SMAD3: variants seen among roughly 807,000 people sequenced by gnomAD.
The protein encoded by SMAD3 is MAD homolog 3.
Under a neutral mutation model 51.8 loss-of-function variants are expected in SMAD3, and 12 were observed. That is an observed-to-expected ratio of 0.23 (90% CI 0.15 to 0.38). The LOEUF (loss-of-function observed/expected upper bound fraction) is 0.38, where lower values mean the gene tolerates loss of function less well. Among genes scored for constraint, SMAD3 ranks in the 10% least tolerant of loss-of-function variants. The probability of loss-of-function intolerance (pLI) is 1.00; values close to 1 mark genes in which losing one functional copy is unlikely to be tolerated. For missense variants in SMAD3, 294 were observed against 565.6 expected, an observed-to-expected ratio of 0.52 and a Z score of 4.87; for synonymous variants, 238 against 227.7, an observed-to-expected ratio of 1.05 and a Z score of -0.41.
intron 7 of SMAD3, 110 bp from the exon 8 acceptor site, chr15:67,187,255 G>A: frequency 2.4e-6 from 3 of 1,253,842 alleles, no homozygotes; most frequent in Non-Finnish European, 3.5e-6. Context: ...TGTCCCTGGA[G>A]CTGTATAAAT....
intron 1 of SMAD3, among the ~76,000 whole-genome samples, chr15:67,115,062 C>T (rs1961105007): frequency 6.6e-6 from 1 of 152,140 alleles, no homozygotes; most frequent in Non-Finnish European, 1.5e-5. Context: ...TAGGGTCACC[C>T]TGTTGGTTGG....
Position 67,164,898 on chromosome 15 carries a change from C to G in SMAD3, c.210C>G (p.Ser70=). The G allele has an allele frequency of 6.2e-7, 1 of 1,612,928 alleles. No individual in the cohort carries two copies. The highest frequency in any genetic ancestry group is 8.5e-7 in the Non-Finnish European group (1 of 1,180,036). ...VNTKCITIPR[S]LDGRLQVSHR... is the part of the protein sequence containing the mutation. ...CTGCCCCTCCCCGTCCTGGCAGGTC[C>G]CTGGATGGCCGGTTGCAGGTGTCCC... is the stretch of plus-strand genomic sequence containing the variant. The change falls in exon 2 of 9, where the codon TCC becomes TCG. Residue 70 remains serine, a synonymous_variant. Transcript: ENST00000327367.
intron 5 of SMAD3, among the ~76,000 whole-genome samples, chr15:67,172,121 A>G (rs1962769319): frequency 6.6e-6 from 1 of 152,162 alleles, no homozygotes; most frequent in Non-Finnish European, 1.5e-5. Context: ...ACTTCCCTCT[A>G]GATTGTGTAG....
At chr15:67,170,779 A>C in intron 5 of SMAD3, 175 bp downstream of exon 5, 1 of 601,548 alleles carries the variant, frequency 1.7e-6, no homozygotes, top group Non-Finnish European at 3.0e-6. Context: ...GGAATGGGGA[A>C]ACTTGAGAAC....
At chr15:67,124,144 C>A (rs113595099) in intron 1 of SMAD3, among the ~76,000 whole-genome samples, 1 of 152,152 alleles carries the variant, frequency 6.6e-6, no homozygotes, top group Admixed American at 6.5e-5. Flanking sequence ...CAGGCCACCA[C>A]GTCTGGCTAA....
chr15:67,071,798 C>T (rs1378264926), intron 1 of SMAD3, among the ~76,000 whole-genome samples: 5 of 152,044 alleles, frequency 3.3e-5, no homozygotes, highest in South Asian at 2.1e-4. Context: ...GGCGACAGAG[C>T]GAGACTCTGT....
At chr15:67,180,573 G>C (rs1173851007) in intron 5 of SMAD3, among the ~76,000 whole-genome samples, 1 of 150,196 alleles carries the variant, frequency 6.7e-6, no homozygotes, top group African/African-American at 2.5e-5. Flanking sequence ...TAGTTTCTGT[G>C]ATAGGAGGCA....
chr15:67,088,085 T>G (rs190986387), intron 1 of SMAD3, among the ~76,000 whole-genome samples: 123 of 152,196 alleles, frequency 8.1e-4, no homozygotes, highest in African/African-American at 2.9e-3. Flanking sequence ...CGGAGAGGGG[T>G]CACACATTTG....
chr15:67,138,355 C>G (rs1328369189), intron 1 of SMAD3: 2 of 466,578 alleles, frequency 4.3e-6, no homozygotes, highest in Admixed American at 6.7e-5. Flanking sequence ...CCCCCCCTCC[C>G]CCGGCCCCAG....
Position 67,107,364 on chromosome 15 carries a change from G to A in SMAD3, c.206+41004G>A, listed in dbSNP as rs1212376975. On this transcript the variant is annotated intron_variant, in intron 1 of 8. Coordinates refer to ENST00000327367, the MANE Select transcript of SMAD3 (RefSeq NM_005902.4). ...GCCTCGAAATCTTCCCACCTGCTGCGCCACTCCCACCACATAAGCACCCCA... is the reference window on the plus strand; with the variant it reads ...GCCTCGAAATCTTCCCACCTGCTGCACCACTCCCACCACATAAGCACCCCA... 2.6e-5 allele frequency among the ~76,000 whole-genome samples: 4 copies of A among 151,976 alleles called. No individual in the cohort carries two copies. The South Asian group carries it at 6.2e-4, about 24-fold the overall frequency.
intron 1 of SMAD3, among the ~76,000 whole-genome samples, chr15:67,162,086 G>C (rs1339478155): frequency 6.6e-6 from 1 of 152,182 alleles, no homozygotes; most frequent in East Asian, 1.9e-4. Flanking sequence ...GTCAGTTCCT[G>C]TGACCAAGCC....
At chr15:67,183,031 A>ATATTTT (rs1156620400) in intron 6 of SMAD3, among the ~76,000 whole-genome samples, 3 of 29,700 alleles carry the variant, frequency 1.0e-4, no homozygotes, top group Admixed American at 7.6e-4. Flanking sequence ...ATATATATAT[A>ATATTTT]TTTTTTTTTT....
intron 1 of SMAD3, among the ~76,000 whole-genome samples, chr15:67,161,056 T>C (rs988468724): frequency 6.6e-6 from 1 of 152,186 alleles, no homozygotes; most frequent in Admixed American, 6.5e-5. Context: ...GATTTTCTCC[T>C]GTTTTCTTCT....
In SMAD3 at chr15:67,181,349, CTG is replaced by C; in HGVS notation, c.770_771del (p.Val257GlyfsTer53). The C allele has an allele frequency of 1.2e-6, 2 of 1,613,746 alleles. No individual in the cohort carries two copies. The highest frequency in any genetic ancestry group is 1.3e-5 in the African/African-American group (1 of 75,032). ...TTCCACGCCTCGCAGCCATCCATGA[CTG>C]TGGATGGCTTCACCGACCCCTCCAA... is the stretch of plus-strand genomic sequence containing the variant. On this transcript the variant is annotated frameshift_variant, in exon 6 of 9. Transcript: ENST00000327367. LOFTEE classifies it high-confidence loss of function.
At position 67,165,234 on chromosome 15, in the gene SMAD3, C is replaced by A; in HGVS notation, c.401-19C>A. ...TGGCATCGACACTGAGCCACCTCTGCTCTGTCTCCCCCGGACAGTTCTACC... is the reference window on the plus strand; with the variant it reads ...TGGCATCGACACTGAGCCACCTCTGATCTGTCTCCCCCGGACAGTTCTACC... On this transcript the variant is annotated intron_variant, in intron 2 of 8. Transcript: ENST00000327367. 6.2e-7 allele frequency: 1 copy of A among 1,614,198 alleles called. No individual in the cohort carries two copies. Among genetic ancestry groups the A allele is most frequent in the Non-Finnish European group, 8.5e-7 (1 of 1,180,028 alleles).
intron 1 of SMAD3, chr15:67,098,701 A>G: frequency 1.7e-6 from 1 of 583,388 alleles, no homozygotes; most frequent in Non-Finnish European, 3.1e-6. Context: ...GGGAGTTGGG[A>G]GAGAACTGTC....
chr15:67,105,615 C>A (rs1378473428), intron 1 of SMAD3, among the ~76,000 whole-genome samples: 1 of 152,194 alleles, frequency 6.6e-6, no homozygotes, highest in Admixed American at 6.5e-5. Context: ...GTCACTCTGG[C>A]AGCAGAATGA....
intron 1 of SMAD3, among the ~76,000 whole-genome samples, chr15:67,089,528 AG>A (rs1374703681): frequency 6.6e-6 from 1 of 152,210 alleles, no homozygotes; most frequent in Non-Finnish European, 1.5e-5. Context: ...GCGCAGGAAC[AG>A]GGACTGAGGC....
In SMAD3 at chr15:67,191,717, C is replaced by T. The variant is rs72661160; in HGVS notation, c.*1181C>T. The T allele has an allele frequency of 1.7e-3, 404 of 231,312 alleles. 1 individual carries two copies. The highest frequency in any genetic ancestry group is 2.8e-3 in the Non-Finnish European group (327 of 116,798). 14.3% of individuals were successfully genotyped at this position (231,312 alleles called of 1,614,324 possible). A position where few individuals can be genotyped will look rare whatever the true frequency, so the allele number is the denominator to read the frequency against. On this transcript the variant is annotated 3_prime_UTR_variant, in exon 9 of 9. Coordinates refer to ENST00000327367, the MANE Select transcript of SMAD3 (RefSeq NM_005902.4). Reference sequence around the variant, plus strand: ...AGCAAATTCACCAGAAGGGAAACATCTCAGGCCAACATAGGCAAATGAAAA... The same window carrying T: ...AGCAAATTCACCAGAAGGGAAACATTTCAGGCCAACATAGGCAAATGAAAA...
Sources: allele counts gnomAD v4.1 joint callset (sites outside exome capture counted in the v4.1 genomes callset), GRCh38; gene constraint gnomAD v4.1.1; transcripts MANE v1.5; gene names NCBI Gene and HGNC (gene_info 2026-07-23, HGNC 2026-07-21).